Variants in GALM observed in about 807,000 individuals in gnomAD.
The protein encoded by GALM is galactose mutarotase, also known as aldose 1-epimerase.
A neutral mutation model predicts 37.4 loss-of-function variants in GALM; 43 were observed. The observed-to-expected ratio is 1.15, with a 90% CI of 0.90 to 1.48. The LOEUF (loss-of-function observed/expected upper bound fraction) is 1.48, where lower values mean the gene tolerates loss of function less well. GALM is among the 40% of genes most tolerant of loss of function. The pLI is 0.00. For synonymous variants in GALM, 199 were observed against 170.6 expected (o/e 1.17, Z -1.30); for missense variants, 456 against 419.1 (o/e 1.09, Z -0.77).
At chr2:38,713,479 G>T (rs1465171828) in intron 4 of GALM, among the ~76,000 whole-genome samples, 6 of 152,110 alleles carry the variant, frequency 3.9e-5, no homozygotes, top group Non-Finnish European at 8.8e-5. Context: ...GCAGGCAGGG[G>T]AGCTCCAGCC....
intron 4 of GALM, among the ~76,000 whole-genome samples, chr2:38,720,200 AGACCTT>A (rs1265901501): frequency 6.6e-6 from 1 of 152,080 alleles, no homozygotes; most frequent in East Asian, 1.9e-4. Context: ...TGACAGAGTG[AGACCTT>A]GTCTCTAAAT....
At chr2:38,684,675 T>C (rs534872666) in intron 3 of GALM, among the ~76,000 whole-genome samples, 127 of 152,226 alleles carry the variant, frequency 8.3e-4, no homozygotes, top group African/African-American at 3.0e-3. Flanking sequence ...GGCGTTGTGG[T>C]AGATGCCTGC....
Position 38,675,960 on chromosome 2 carries a change from C to T in GALM, c.239C>T (p.Ala80Val), listed in dbSNP as rs1665249333. The T allele has an allele frequency of 6.2e-7, 1 of 1,613,860 alleles. No homozygotes were observed. The highest frequency in any genetic ancestry group is 8.5e-7 in the Non-Finnish European group (1 of 1,179,986). The change falls in exon 2 of 7, where the codon GCC (alanine) becomes GTC (valine). Residue 80 changes from alanine (A) to valine (V), a missense_variant. Physicochemically the swap from Ala to Val is moderately conservative, Grantham distance 64. Coordinates refer to ENST00000272252, the MANE Select transcript of GALM (RefSeq NM_138801.3). ...PYFGAVIGRV[A>V]NRIAKGTFKV... ...TTTGGAGCAGTTATTGGGAGGGTGG[C>T]CAACCGAATCGCCAAAGGAACCTTC...
At chr2:38,708,535 A>G (rs1666086960) in intron 4 of GALM, among the ~76,000 whole-genome samples, 1 of 151,966 alleles carries the variant, frequency 6.6e-6, no homozygotes, top group Non-Finnish European at 1.5e-5. Context: ...AGGTCAGGAG[A>G]GCGAGACCAT....
intron 4 of GALM, among the ~76,000 whole-genome samples, chr2:38,720,685 TA>T (rs1248306330): frequency 6.6e-6 from 1 of 152,208 alleles, no homozygotes; most frequent in Non-Finnish European, 1.5e-5. Flanking sequence ...CTTAAAAGAT[TA>T]GAACAGGGCT....
At chr2:38,701,769 A>AG (rs1665926552) in intron 4 of GALM, among the ~76,000 whole-genome samples, 2 of 152,210 alleles carry the variant, frequency 1.3e-5, no homozygotes, top group South Asian at 2.1e-4. Context: ...AGTCCAAAGT[A>AG]GTCTCCTCAT....
chr2:38,729,472 A>G, intron 4 of GALM, 84 bp from the exon 5 acceptor site: 4 of 1,235,688 alleles, frequency 3.2e-6, no homozygotes, highest in Non-Finnish European at 4.5e-6. Flanking sequence ...CGGAGAGAGT[A>G]GAACCAGTGA....
chr2:38,694,448 G>C (rs1253874677), intron 4 of GALM, among the ~76,000 whole-genome samples: 3 of 151,856 alleles, frequency 2.0e-5, no homozygotes, highest in African/African-American at 7.3e-5. Flanking sequence ...CTACTTTTCT[G>C]CAAAGAAAAC....
chr2:38,681,478 G>A lies in GALM; in HGVS notation c.544G>A (p.Ala182Thr). 2.5e-6 allele frequency: 4 copies of A among 1,613,628 alleles called. No homozygotes were observed. The highest frequency in any genetic ancestry group is 2.5e-6 in the Non-Finnish European group (3 of 1,179,544). ...GACCAACCATTCTTACTTCAACCTG[G>A]CAGGCCAGGTAAGTGAACTTGTTTC... ...NLTNHSYFNL[A>T]GQASPNINDH... The change falls in exon 3 of 7, where the codon GCA becomes ACA. Residue 182 changes from alanine to threonine, a missense_variant. Transcript: ENST00000272252.
chr2:38,717,847 T>A (rs1178748895), intron 4 of GALM, among the ~76,000 whole-genome samples: 1 of 144,778 alleles, frequency 6.9e-6, no homozygotes, highest in African/African-American at 2.5e-5. Context: ...ACCATTTTCT[T>A]TTTTTTTGAG....
In GALM at chr2:38,666,172, TGAC is replaced by T; in HGVS notation, c.12_14del (p.Thr5del). The T allele has an allele frequency of 6.2e-7, 1 of 1,611,534 alleles. No individual in the cohort carries two copies. ...CGCCAAACTTTCCCTATGGCTTCGGTGACCAGGGCCGTGTTTGGAGAGCTGCCC... is the reference window on the plus strand; with the variant it reads ...CGCCAAACTTTCCCTATGGCTTCGGTCAGGGCCGTGTTTGGAGAGCTGCCC... On this transcript the variant is annotated inframe_deletion, in exon 1 of 7. Transcript: ENST00000272252.
At chr2:38,709,052 CAGG>C (rs1165176491) in intron 4 of GALM, among the ~76,000 whole-genome samples, 1 of 152,006 alleles carries the variant, frequency 6.6e-6, no homozygotes, top group Non-Finnish European at 1.5e-5. Flanking sequence ...AGAGGAGGAG[CAGG>C]AGGACAGGGT....
At chr2:38,722,054 CCTA>C (rs1304094237) in intron 4 of GALM, among the ~76,000 whole-genome samples, 1 of 121,966 alleles carries the variant, frequency 8.2e-6, no homozygotes, top group Non-Finnish European at 1.8e-5. Flanking sequence ...CCCCCCCCCA[CCTA>C]GAACAGAAGC....
At chr2:38,672,030 GAA>G (rs897210954) in intron 1 of GALM, among the ~76,000 whole-genome samples, 123 of 144,626 alleles carry the variant, frequency 8.5e-4, no homozygotes, top group African/African-American at 3.1e-3. Flanking sequence ...TAATTATGGG[GAA>G]AAAAAAAAAC....
At chr2:38,703,739 G>C (rs1021092674) in intron 4 of GALM, among the ~76,000 whole-genome samples, 2 of 152,138 alleles carry the variant, frequency 1.3e-5, no homozygotes, top group Admixed American at 6.5e-5. Context: ...AAGGCTGGGC[G>C]TGGTGGCTCA....
At chr2:38,688,889 T>C in intron 3 of GALM, among the ~76,000 whole-genome samples, 1 of 152,146 alleles carries the variant, frequency 6.6e-6, no homozygotes, top group Non-Finnish European at 1.5e-5. Context: ...CGCGCGATCT[T>C]GGCTCACCGC....
intron 2 of GALM, among the ~76,000 whole-genome samples, chr2:38,680,384 A>T (rs769625799): frequency 6.6e-6 from 1 of 152,102 alleles, no homozygotes; most frequent in Admixed American, 6.6e-5. Context: ...TTAGAATCAT[A>T]TTTTCTGGAA....
chr2:38,690,546 T>C (rs1665650107), intron 4 of GALM, among the ~76,000 whole-genome samples: 1 of 151,974 alleles, frequency 6.6e-6, no homozygotes, highest in Non-Finnish European at 1.5e-5. Context: ...GCTCAGATGA[T>C]TCTCCCATCT....
intron 1 of GALM, 41 bp downstream of exon 1, chr2:38,666,392 C>G: frequency 6.8e-7 from 1 of 1,470,156 alleles, no homozygotes; most frequent in Middle Eastern, 2.1e-4. Flanking sequence ...AGGCCCCAGG[C>G]CCACGCTACA....
Sources: gnomAD v4.1 joint callset for allele counts (sites outside exome capture counted in the v4.1 genomes callset) on GRCh38, gnomAD v4.1.1 for gene constraint, MANE v1.5 for transcripts, NCBI Gene and HGNC (gene_info 2026-07-23, HGNC 2026-07-21) for gene names.